The following CACNG6 variants were observed in gnomAD, a reference collection of about 807,000 sequenced individuals.
CACNG6 encodes calcium voltage-gated channel auxiliary subunit gamma 6, also known as voltage-dependent calcium channel gamma-6 subunit.
CACNG6 carries 21 observed loss-of-function variants against 23.9 expected under a neutral mutation model. The observed-to-expected ratio is 0.88, with a 90% CI of 0.62 to 1.26. CACNG6 has a LOEUF of 1.26. CACNG6 is among the 50% of genes most tolerant of loss of function. The probability of loss-of-function intolerance (pLI) is 0.00; values close to 1 mark genes in which losing one functional copy is unlikely to be tolerated. For synonymous variants in CACNG6, 182 were observed against 168.9 expected, an observed-to-expected ratio of 1.08 and a Z score of -0.60; for missense variants, 340 against 352.9, an observed-to-expected ratio of 0.96 and a Z score of 0.29.
rs1044255476 is a variant in CACNG6, at chr19:53,991,774, C to T, written c.-1104C>T. Among the ~76,000 whole-genome samples the T allele has an allele frequency of 5.3e-5, 8 of 152,200 alleles. No individual in the cohort carries two copies. Among genetic ancestry groups the T allele is most frequent in the Admixed American group, 5.2e-4 (8 of 15,292 alleles). The stretch of plus-strand genomic sequence containing the variant: ...TGGGAGCCCCGAGGGGGGGCCCTGG[C>T]CTGGGGCTGAGCCTGGCGCGAACCC... On this transcript the variant is annotated 5_prime_UTR_variant, in exon 1 of 4. Transcript: ENST00000252729.
chr19:54,011,205 A>AAAAAAAAAAAAAAAAATAT (rs58054808), intron 3 of CACNG6, among the ~76,000 whole-genome samples: 1 of 102,508 alleles, frequency 9.8e-6, no homozygotes, highest in Non-Finnish European at 1.7e-5. Context: ...AAAAAAAAAA[A>AAAAAAAAAAAAAAAAATAT]ATATATATAT....
intron 3 of CACNG6, among the ~76,000 whole-genome samples, chr19:54,004,850 A>G (rs1482324551): frequency 6.6e-6 from 1 of 152,150 alleles, no homozygotes; most frequent in Non-Finnish European, 1.5e-5. Flanking sequence ...AGAGACCAGC[A>G]CTGACCATCG....
Position 53,992,603 on chromosome 19 carries a change from GTCT to G in CACNG6, c.-270_-268del. ...GGGCCTTGTTTTTCCTCTGGGCCCC[GTCT>G]TCTTTGCCAAGTTCTTGAGGGCAAC... On this transcript the variant is annotated 5_prime_UTR_variant, in exon 1 of 4. Coordinates refer to ENST00000252729, the MANE Select transcript of CACNG6 (RefSeq NM_145814.2). This position sits in a 1 kb window ranked among gnomAD's most constrained non-coding sequence, Gnocchi z 4.1. The G allele has an allele frequency of 3.5e-6, 1 of 288,778 alleles. No individual in the cohort carries two copies. Among genetic ancestry groups the G allele is most frequent in the Non-Finnish European group, 6.4e-6 (1 of 156,460 alleles). 17.9% of individuals were successfully genotyped at this position (288,778 alleles called of 1,614,324 possible). A position where few individuals can be genotyped will look rare whatever the true frequency, so the allele number is the denominator to read the frequency against.
At chr19:53,991,593 G>T (rs966332231), upstream of CACNG6, among the ~76,000 whole-genome samples, 1 of 147,356 alleles carries the variant, frequency 6.8e-6, no homozygotes, top group African/African-American at 2.5e-5. Context: ...GGTGGAGGGT[G>T]GGGGGTGGGC....
intron 1 of CACNG6, among the ~76,000 whole-genome samples, chr19:53,997,225 A>G (rs1267098360): frequency 6.6e-6 from 1 of 151,922 alleles, no homozygotes; most frequent in Non-Finnish European, 1.5e-5. Context: ...TATTGTTTTG[A>G]TCAACACTGT....
intron 3 of CACNG6, among the ~76,000 whole-genome samples, chr19:54,006,021 T>G (rs1455350933): frequency 1.3e-5 from 2 of 150,642 alleles, no homozygotes; most frequent in East Asian, 3.9e-4. Context: ...ACCTGGGAGG[T>G]GGAGGTAGAA....
intron 3 of CACNG6, among the ~76,000 whole-genome samples, chr19:54,002,275 G>GT (rs1174799698): frequency 0.016 from 1,901 of 116,120 alleles, 139 homozygotes; most frequent in African/African-American, 0.08. Context: ...CGGTTTTTTT[G>GT]TTTTTTTTGT....
chr19:53,992,868 C>T lies in CACNG6; in HGVS notation c.-10C>T. The T allele has an allele frequency of 7.3e-7, 1 of 1,377,620 alleles. No homozygotes were observed. The highest frequency in any genetic ancestry group is 9.4e-7 in the Non-Finnish European group (1 of 1,063,422). The allele number at this position is 1,377,620 out of a possible 1,614,324, so 85.3% of individuals were successfully genotyped here. A position where few individuals can be genotyped will look rare whatever the true frequency, so the allele number is the denominator to read the frequency against. On this transcript the variant is annotated 5_prime_UTR_variant, in exon 1 of 4. Transcript: ENST00000252729. This position sits in a 1 kb window ranked among gnomAD's most constrained non-coding sequence, Gnocchi z 4.1. The stretch of plus-strand genomic sequence containing the variant: ...GCCTCCTCCCCCTTCCCGACCCCAC[C>T]GGCCATAAGATGATGTGGTCCAACT...
Position 54,012,052 on chromosome 19 carries a change from G to A in CACNG6, c.646G>A (p.Glu216Lys), listed in dbSNP as rs758762265. 6.2e-7 allele frequency: 1 copy of A among 1,606,778 alleles called. No individual in the cohort carries two copies. Among genetic ancestry groups the A allele is most frequent in the Non-Finnish European group, 8.5e-7 (1 of 1,177,328 alleles). ...TCCCCCGGCCCCACGCCTCACCTAC[G>A]AGTACTCCTGGTCCCTGGGCTGCGG... ...EPPPAPRLTY[E>K]YSWSLGCGVG... is the part of the protein sequence containing the mutation. Residue 216 changes from glutamate to lysine, a missense_variant, in exon 4 of 4, where the codon GAG (glutamate) becomes AAG (lysine). Transcript: ENST00000252729.
chr19:54,003,208 C>T (rs978149702), intron 3 of CACNG6, among the ~76,000 whole-genome samples: 5 of 151,966 alleles, frequency 3.3e-5, no homozygotes, highest in South Asian at 2.1e-4. Context: ...GAGGGGGAGG[C>T]GGAAAATTAT....
Position 53,993,171 on chromosome 19 carries a change from G to A in CACNG6, c.294G>A (p.Val98=). ...GGCTGTGGCAGGCGGACGTGCCCGT[G>A]GACAGGGACACCTGCGGCCCCGCGG... ...TKRLWQADVP[V]DRDTCGPAEL... Residue 98 remains valine, a synonymous_variant, in exon 1 of 4, where the codon GTG becomes GTA. Transcript: ENST00000252729. The A allele has an allele frequency of 1.9e-6, 3 of 1,543,834 alleles. No individual in the cohort carries two copies. The highest frequency in any genetic ancestry group is 2.6e-6 in the Non-Finnish European group (3 of 1,146,030).
At chr19:54,011,822 T>C (rs2069718467) in intron 3 of CACNG6, 129 bp from the exon 4 acceptor site, 1 of 441,622 alleles carries the variant, frequency 2.3e-6, no homozygotes, top group Admixed American at 4.9e-5. Context: ...AGGTGTTTAG[T>C]AAGTATTTGT....
intron 1 of CACNG6, among the ~76,000 whole-genome samples, chr19:53,994,315 C>T (rs2069499209): frequency 6.6e-6 from 1 of 152,164 alleles, no homozygotes; most frequent in South Asian, 2.1e-4. Flanking sequence ...TGTCCTCTCG[C>T]CTCCAAATGC....
intron 1 of CACNG6, among the ~76,000 whole-genome samples, chr19:53,997,964 C>T (rs1381842686): frequency 3.3e-5 from 5 of 152,124 alleles, no homozygotes; most frequent in Non-Finnish European, 7.4e-5. Flanking sequence ...ATTATTATCT[C>T]GTTTTAAAGA....
intron 1 of CACNG6, among the ~76,000 whole-genome samples, chr19:53,995,102 G>A (rs2069507459): frequency 6.6e-6 from 1 of 152,076 alleles, no homozygotes; most frequent in Non-Finnish European, 1.5e-5. Context: ...ACCCAGGCTA[G>A]TTAGATGGAA....
chr19:54,006,413 G>A (rs185953476), intron 3 of CACNG6, among the ~76,000 whole-genome samples: 158 of 151,716 alleles, frequency 1.0e-3, no homozygotes, highest in African/African-American at 3.7e-3. Flanking sequence ...CCACAGGGAA[G>A]TTTTCTCCAA....
intron 1 of CACNG6, among the ~76,000 whole-genome samples, chr19:53,995,422 T>C (rs1366586166): frequency 6.6e-6 from 1 of 152,174 alleles, no homozygotes; most frequent in East Asian, 1.9e-4. Context: ...CTGGCTCCCT[T>C]GGCTATAAGT....
At chr19:54,002,012 C>CGTTG (rs2069580220) in intron 3 of CACNG6, among the ~76,000 whole-genome samples, 1 of 152,086 alleles carries the variant, frequency 6.6e-6, no homozygotes, top group Non-Finnish European at 1.5e-5. Context: ...TTTATCCTTC[C>CGTTG]GTTGATTGAT....
intron 3 of CACNG6, among the ~76,000 whole-genome samples, chr19:54,001,642 T>C (rs2069576969): frequency 1.3e-5 from 2 of 152,318 alleles, no homozygotes; most frequent in Non-Finnish European, 2.9e-5. Context: ...CATCGTTCTG[T>C]CCTCAGGGAT....
Sources: gnomAD v4.1 joint callset for allele counts (sites outside exome capture counted in the v4.1 genomes callset) on GRCh38, gnomAD v4.1.1 for gene constraint, Gnocchi (gnomAD v3.1) non-coding constraint, MANE v1.5 for transcripts, NCBI Gene and HGNC (gene_info 2026-07-23, HGNC 2026-07-21) for gene names.